GLI2: variants seen among roughly 807,000 people sequenced by gnomAD.
The protein encoded by GLI2 is GLI family zinc finger 2, also known as transcription activator GLI2.
GLI2 carries 22 observed loss-of-function variants against 78.9 expected under a neutral mutation model. The ratio of observed to expected loss-of-function variants is 0.28; its 90% confidence interval spans 0.20 to 0.40. The LOEUF (loss-of-function observed/expected upper bound fraction) is 0.40. Among genes scored for constraint, GLI2 ranks in the 10% least tolerant of loss-of-function variants. The pLI is 1.00. For missense variants in GLI2, 2,097 were observed against 2,213.2 expected, an observed-to-expected ratio of 0.95 and a Z score of 1.05; for synonymous variants, 974 against 963.7, an observed-to-expected ratio of 1.01 and a Z score of -0.20.
At chr2:120,742,973 T>C (rs1299328401) in intron 1 of GLI2, among the ~76,000 whole-genome samples, 1 of 152,206 alleles carries the variant, frequency 6.6e-6, no homozygotes, top group African/African-American at 2.4e-5. Context: ...GGGAGATTAG[T>C]ATGCAAATAT....
At chr2:120,897,111 A>G (rs1267487129) in intron 2 of GLI2, among the ~76,000 whole-genome samples, 5 of 152,158 alleles carry the variant, frequency 3.3e-5, no homozygotes, top group Non-Finnish European at 5.9e-5. Flanking sequence ...GCCTCTCCCC[A>G]GCACCACCCC....
At chr2:120,878,653 G>C (rs1256570793) in intron 2 of GLI2, among the ~76,000 whole-genome samples, 2 of 151,968 alleles carry the variant, frequency 1.3e-5, no homozygotes, top group Non-Finnish European at 2.9e-5. Context: ...AAAATCTTTC[G>C]GCCAGGCACG....
rs548407354 is a variant in GLI2 at position 120,963,438 on chromosome 2, TGTG to T, written c.644-5275_644-5273del. Among the ~76,000 whole-genome samples, 8 of 150,782 alleles carry T rather than the reference TGTG, an allele frequency of 5.3e-5. No individual in the cohort carries two copies. In the South Asian group the frequency reaches 1.5e-3, roughly 28 times the overall value. ...GCAGAGGCTGTGTGCCTCTGCATCT[TGTG>T]TGTGTGTGTGTGTGCGCGCACGCGC... On this transcript the variant is annotated intron_variant, in intron 5 of 13. Coordinates refer to ENST00000361492, the MANE Select transcript of GLI2 (RefSeq NM_001374353.1).
intron 2 of GLI2, among the ~76,000 whole-genome samples, chr2:120,823,148 C>G (rs190543481): frequency 2.5e-4 from 38 of 152,330 alleles, no homozygotes; most frequent in African/African-American, 9.1e-4. Flanking sequence ...CGCACACCGT[C>G]TTTGGTATGC....
At chr2:120,793,983 G>A (rs62150673) in intron 1 of GLI2, among the ~76,000 whole-genome samples, 10,286 of 152,256 alleles carry the variant, frequency 0.068, 482 homozygotes, top group Non-Finnish European at 0.11. Context: ...GAATAGGTGG[G>A]GTTGCCATGA....
At chr2:120,928,436 C>T (rs1573618016) in intron 3 of GLI2, among the ~76,000 whole-genome samples, 1 of 152,328 alleles carries the variant, frequency 6.6e-6, no homozygotes, top group Middle Eastern at 3.4e-3. Flanking sequence ...CTGCTGCCCT[C>T]AATCCACAGC....
chr2:120,847,765 G>GT (rs1215937993), intron 2 of GLI2, among the ~76,000 whole-genome samples: 9 of 151,610 alleles, frequency 5.9e-5, no homozygotes, highest in Non-Finnish European at 1.0e-4. Flanking sequence ...CAGGGGCGGG[G>GT]GGGCGGTGGT....
At chr2:120,820,729 G>A (rs1051706823) in intron 2 of GLI2, among the ~76,000 whole-genome samples, 17 of 152,278 alleles carry the variant, frequency 1.1e-4, no homozygotes, top group African/African-American at 3.4e-4. Flanking sequence ...AAGAGTGAGC[G>A]CTGGAGAGGG....
chr2:120,955,010 A>G (rs1450216417), intron 4 of GLI2, among the ~76,000 whole-genome samples: 1 of 152,146 alleles, frequency 6.6e-6, no homozygotes, highest in Non-Finnish European at 1.5e-5. Flanking sequence ...GGTGGAGTAC[A>G]GAGGTCGGGG....
At chr2:120,923,905 G>A (rs1679532486) in intron 2 of GLI2, among the ~76,000 whole-genome samples, 1 of 152,002 alleles carries the variant, frequency 6.6e-6, no homozygotes, top group East Asian at 1.9e-4. Flanking sequence ...GGGCAGAGAG[G>A]CAGCCTCAGT....
At chr2:120,811,958 G>A (rs1685264332) in intron 2 of GLI2, among the ~76,000 whole-genome samples, 1 of 152,074 alleles carries the variant, frequency 6.6e-6, no homozygotes, top group South Asian at 2.1e-4. Context: ...CACAGGCAAG[G>A]TCCACTTCTC....
intron 1 of GLI2, among the ~76,000 whole-genome samples, chr2:120,781,242 C>A (rs545753943): frequency 2.6e-5 from 4 of 152,092 alleles, no homozygotes; most frequent in Admixed American, 2.0e-4. Flanking sequence ...CCTTTGAGTG[C>A]GGGGGGATGA....
At chr2:120,753,199 G>A (rs1682931167) in intron 1 of GLI2, among the ~76,000 whole-genome samples, 1 of 151,772 alleles carries the variant, frequency 6.6e-6, no homozygotes, top group African/African-American at 2.4e-5. Context: ...TGGTTCAAGG[G>A]ATTCTCGTGC....
At chr2:120,853,871 C>T (rs1687521924) in intron 2 of GLI2, among the ~76,000 whole-genome samples, 1 of 152,034 alleles carries the variant, frequency 6.6e-6, no homozygotes, top group Non-Finnish European at 1.5e-5. Context: ...TAGGGGACTG[C>T]ATTTGCACGG....
intron 2 of GLI2, among the ~76,000 whole-genome samples, chr2:120,815,802 C>T (rs1043372937): frequency 1.3e-5 from 2 of 152,184 alleles, no homozygotes; most frequent in South Asian, 2.1e-4. Context: ...TACAAAGCCA[C>T]GGTCTCTGCC....
chr2:120,829,628 C>T (rs1223775433), intron 2 of GLI2, among the ~76,000 whole-genome samples: 4 of 152,162 alleles, frequency 2.6e-5, no homozygotes, highest in Admixed American at 6.5e-5. Context: ...TGGCTGATAT[C>T]GTCATTATTA....
At chr2:120,751,260 A>AT (rs1176675547) in intron 1 of GLI2, among the ~76,000 whole-genome samples, 18 of 151,560 alleles carry the variant, frequency 1.2e-4, no homozygotes, top group Admixed American at 6.6e-4. Context: ...GTTCTTCTAG[A>AT]TTTTTTTTTC....
At chr2:120,779,340 G>A (rs1209230713) in intron 1 of GLI2, among the ~76,000 whole-genome samples, 1 of 152,210 alleles carries the variant, frequency 6.6e-6, no homozygotes, top group African/African-American at 2.4e-5. Context: ...ACACCAGGGT[G>A]TGTGTGAGCC....
intron 2 of GLI2, among the ~76,000 whole-genome samples, chr2:120,821,000 G>C (rs137934684): frequency 7.6e-4 from 115 of 152,236 alleles, no homozygotes; most frequent in African/African-American, 2.7e-3. Context: ...CCTCCCGGTG[G>C]TTTCAGATGC....
Sources: allele counts gnomAD v4.1 joint callset (sites outside exome capture counted in the v4.1 genomes callset), GRCh38; gene constraint gnomAD v4.1.1; transcripts MANE v1.5; gene names NCBI Gene and HGNC (gene_info 2026-07-23, HGNC 2026-07-21).